ZFAND3: variants seen among roughly 807,000 people sequenced by gnomAD.
ZFAND3 encodes the protein zinc finger AN1-type containing 3.
ZFAND3 carries 10 observed loss-of-function variants against 29.6 expected under a neutral mutation model. The observed-to-expected ratio is 0.34, with a 90% confidence interval of 0.21 to 0.57. The LOEUF (loss-of-function observed/expected upper bound fraction) is 0.57, where lower values mean the gene tolerates loss of function less well. Among genes scored for constraint, ZFAND3 ranks in the 20% least tolerant of loss-of-function variants. The pLI is 0.86. For missense variants in ZFAND3, 230 were observed against 304.5 expected (o/e 0.76, Z 1.82); for synonymous variants, 128 against 112.6 (o/e 1.14, Z -0.87).
chr6:37,904,970 C>T (rs745386776), intron 1 of ZFAND3, among the ~76,000 whole-genome samples: 1 of 152,096 alleles, frequency 6.6e-6, no homozygotes, highest in Non-Finnish European at 1.5e-5. Flanking sequence ...TGTGTATGAG[C>T]AGTTGGAATT....
At chr6:38,092,763 C>G (rs1581910846) in intron 4 of ZFAND3, among the ~76,000 whole-genome samples, 1 of 152,146 alleles carries the variant, frequency 6.6e-6, no homozygotes, top group East Asian at 1.9e-4. Flanking sequence ...GTAATGAGAC[C>G]TTTGAGATAG....
At chr6:38,053,889 A>G (rs886863537) in intron 2 of ZFAND3, among the ~76,000 whole-genome samples, 2 of 152,072 alleles carry the variant, frequency 1.3e-5, no homozygotes, top group Non-Finnish European at 1.5e-5. Flanking sequence ...ACTATTCTCT[A>G]TGTGAATGTT....
chr6:37,915,187 C>T (rs147109497), intron 1 of ZFAND3, among the ~76,000 whole-genome samples: 1 of 152,160 alleles, frequency 6.6e-6, no homozygotes, highest in African/African-American at 2.4e-5. Context: ...ATGCAGCTTC[C>T]TCACTTCTCT....
At chr6:38,094,919 C>T (rs538336329) in intron 4 of ZFAND3, among the ~76,000 whole-genome samples, 1 of 152,212 alleles carries the variant, frequency 6.6e-6, no homozygotes, top group Admixed American at 6.5e-5. Context: ...CTGAAATACT[C>T]CAATGAGCAT....
At chr6:38,114,275 G>GC (rs1259683015) in intron 4 of ZFAND3, among the ~76,000 whole-genome samples, 10 of 152,202 alleles carry the variant, frequency 6.6e-5, no homozygotes, top group Non-Finnish European at 1.5e-4. Context: ...AAAGGACCCC[G>GC]CCCGCAGAGA....
chr6:37,974,549 C>T (rs1205775892), intron 2 of ZFAND3, among the ~76,000 whole-genome samples: 3 of 151,852 alleles, frequency 2.0e-5, no homozygotes, highest in South Asian at 2.1e-4. Context: ...GAGCTACAGG[C>T]GTGCGCTCCA....
At chr6:37,992,494 C>T (rs1473599744) in intron 2 of ZFAND3, among the ~76,000 whole-genome samples, 4 of 152,126 alleles carry the variant, frequency 2.6e-5, no homozygotes, top group Admixed American at 6.5e-5. Context: ...CATTTTTCCA[C>T]GTATGCTTTC....
intron 2 of ZFAND3, among the ~76,000 whole-genome samples, chr6:37,934,388 A>G (rs1368097166): frequency 3.9e-5 from 6 of 152,128 alleles, no homozygotes; most frequent in Non-Finnish European, 8.8e-5. Flanking sequence ...AATATTTTCT[A>G]TGCCAGGATA....
intron 4 of ZFAND3, among the ~76,000 whole-genome samples, chr6:38,096,997 G>A (rs1306300015): frequency 2.0e-5 from 3 of 152,068 alleles, no homozygotes; most frequent in African/African-American, 7.2e-5. Flanking sequence ...TCTTCTTCAT[G>A]CTCTAATTCT....
chr6:38,062,624 G>T (rs1458088210), intron 3 of ZFAND3: 2 of 151,962 alleles, frequency 1.3e-5, no homozygotes, highest in Admixed American at 6.6e-5. Context: ...TAACCACCTT[G>T]GTCTCCCAAA....
intron 1 of ZFAND3, among the ~76,000 whole-genome samples, chr6:37,881,760 A>G (rs1464375165): frequency 6.6e-6 from 1 of 152,146 alleles, no homozygotes; most frequent in Non-Finnish European, 1.5e-5. Context: ...GTTTGAAAGA[A>G]AAGTTCAGTG....
At chr6:38,072,366 G>C (rs1226613075) in intron 3 of ZFAND3, among the ~76,000 whole-genome samples, 1 of 152,100 alleles carries the variant, frequency 6.6e-6, no homozygotes, top group African/African-American at 2.4e-5. Flanking sequence ...GATTACCTCA[G>C]TCACTTGTGA....
chr6:38,048,159 T>C (rs1441392681), intron 2 of ZFAND3, among the ~76,000 whole-genome samples: 1 of 151,650 alleles, frequency 6.6e-6, no homozygotes, highest in East Asian at 2.0e-4. Flanking sequence ...GCGCGCACCA[T>C]TATGCCTGGC....
Position 38,153,616 on chromosome 6 carries a change from G to A in ZFAND3, c.*1227G>A, listed in dbSNP as rs144589771. 6,683 of 985,322 alleles carry A rather than the reference G, an allele frequency of 6.8e-3. 26 individuals carry two copies. The highest frequency in any genetic ancestry group is 7.2e-3 in the Non-Finnish European group (6,010 of 829,946). The allele number at this position is 985,322 out of a possible 1,614,324, so 61.0% of individuals were successfully genotyped here. A position where few individuals can be genotyped will look rare whatever the true frequency, so the allele number is the denominator to read the frequency against. ...CCTGAGGGTACATTTCTCCACCTGT[G>A]CCCCCTCATGTTCACAGAGGATTTC... On this transcript the variant is annotated 3_prime_UTR_variant, in exon 6 of 6. Transcript: ENST00000287218.
chr6:37,852,036 A>G (rs1253948761), intron 1 of ZFAND3, among the ~76,000 whole-genome samples: 6 of 152,248 alleles, frequency 3.9e-5, no homozygotes, highest in Non-Finnish European at 7.3e-5. Context: ...ATTATAATGT[A>G]GGAATATCAC....
chr6:37,902,100 T>TA (rs759391856), intron 1 of ZFAND3, among the ~76,000 whole-genome samples: 20 of 151,958 alleles, frequency 1.3e-4, no homozygotes, highest in Non-Finnish European at 2.2e-4. Context: ...CTGCAAAGGG[T>TA]AAAGGTGGGG....
chr6:37,924,305 T>C (rs1761440714), intron 1 of ZFAND3, among the ~76,000 whole-genome samples: 1 of 138,566 alleles, frequency 7.2e-6, no homozygotes, highest in African/African-American at 2.7e-5. Flanking sequence ...AAATATCTAC[T>C]TAAGTGCTTT....
chr6:38,005,928 CTT>C lies in ZFAND3; in HGVS notation c.113-55662_113-55661del, dbSNP rs1763040840. ...TTGAGCCAATAATTCTGGTCCTTCT[CTT>C]TTAAAAGTTCTTAGTTAGGTAACCA... On this transcript the variant is annotated intron_variant, in intron 2 of 5. Transcript: ENST00000287218. Among the ~76,000 whole-genome samples the C allele has an allele frequency of 2.6e-5, 4 of 152,274 alleles. No homozygotes were observed. The South Asian group carries it at 8.3e-4, about 32-fold the overall frequency.
chr6:37,857,372 A>G lies in ZFAND3; in HGVS notation c.71+37356A>G, dbSNP rs114813107. Among the ~76,000 whole-genome samples the G allele has an allele frequency of 5.0e-3, 757 of 152,350 alleles. 8 individuals are homozygous for G. Among genetic ancestry groups the G allele is most frequent in the African/African-American group, 0.017 (698 of 41,580 alleles). ...TGGGGAGACAAATGAAGCGAATACA[A>G]GTGAGTCTGAAAAACATGGTACTGT... On this transcript the variant is annotated intron_variant, in intron 1 of 5. Transcript: ENST00000287218.
Sources: gnomAD v4.1 joint callset for allele counts (sites outside exome capture counted in the v4.1 genomes callset) on GRCh38, gnomAD v4.1.1 for gene constraint, MANE v1.5 for transcripts, NCBI Gene and HGNC (gene_info 2026-07-23, HGNC 2026-07-21) for gene names.